IPO4: variants seen among roughly 807,000 people sequenced by gnomAD.
IPO4 encodes the protein importin-4.
Under a neutral mutation model 133.5 loss-of-function variants are expected in IPO4, and 91 were observed. The observed-to-expected ratio is 0.68, with a 90% CI of 0.58 to 0.81. IPO4 has a LOEUF of 0.81. Ranked by LOEUF, IPO4 falls within the 30% of genes least tolerant of loss-of-function variation. The pLI is 0.00. For synonymous variants in IPO4, 607 were observed against 581.6 expected (o/e 1.04, Z -0.63); for missense variants, 1,279 against 1,386.2 (o/e 0.92, Z 1.23).
chr14:24,185,308 T>C lies in IPO4; in HGVS notation c.1283A>G (p.His428Arg), dbSNP rs369189275. The C allele has an allele frequency of 6.1e-5, 98 of 1,613,878 alleles. No individual in the cohort carries two copies. Among genetic ancestry groups the C allele is most frequent in the Non-Finnish European group, 8.1e-5 (95 of 1,179,962 alleles). ...TACCTCCCTTGAATAGCTGCTGATA[T>C]GGGGCTGGGGGAGGGAGCAAGCAGG... Reference protein sequence around the residue: ...LGQFSENLQPHISSYSREVMP... With the variant: ...LGQFSENLQPRISSYSREVMP... The change falls in exon 14 of 30, where the codon CAT (histidine) becomes CGT (arginine). Residue 428 changes from histidine (H) to arginine (R), a missense_variant. Transcript: ENST00000354464.
In IPO4 at chr14:24,180,456, G is replaced by A. The variant is rs2039113304; in HGVS notation, c.3232C>T (p.Leu1078=). The part of the protein sequence containing the change: ...VDKAQELQAV[L]GLS ...CAGCCTGCAGTCTAGGAGAGGCCCAGTACAGCCTGGAGCTCCTGAGCCTTG... is the reference window on the plus strand; with the variant it reads ...CAGCCTGCAGTCTAGGAGAGGCCCAATACAGCCTGGAGCTCCTGAGCCTTG... The change falls in exon 30 of 30, where the codon CTG becomes TTG. Residue 1078 remains leucine, a synonymous_variant. Coordinates refer to ENST00000354464, the MANE Select transcript of IPO4 (RefSeq NM_024658.4). 1.2e-6 allele frequency: 2 copies of A among 1,611,926 alleles called. No individual in the cohort carries two copies. Among genetic ancestry groups the A allele is most frequent in the Non-Finnish European group, 1.7e-6 (2 of 1,178,724 alleles).
At position 24,188,271 on chromosome 14, in the gene IPO4, G is replaced by T. The variant is rs1211488537; in HGVS notation, c.237-14C>A. On this transcript the variant is annotated splice_polypyrimidine_tract_variant and intron_variant, in intron 3 of 29. Coordinates refer to ENST00000354464, the MANE Select transcript of IPO4 (RefSeq NM_024658.4). ...AGGGACTTGAGGCTGGAACACAGGT[G>T]GCAGGTGTTTGGTACCCAGCCTGCC... 3 of 1,613,246 alleles carry T rather than the reference G, an allele frequency of 1.9e-6. No individual in the cohort carries two copies. The highest frequency in any genetic ancestry group is 2.5e-6 in the Non-Finnish European group (3 of 1,179,692).
At chr14:24,186,830 G>A (rs1026329654) in intron 8 of IPO4, 39 bp from the exon 9 acceptor site, 1 of 1,612,608 alleles carries the variant, frequency 6.2e-7, no homozygotes, top group African/African-American at 1.3e-5. Flanking sequence ...CAGGGAAGGA[G>A]AGTCCCAGCA....
Position 24,186,379 on chromosome 14 carries a change from G to T in IPO4, c.913C>A (p.Pro305Thr). The T allele has an allele frequency of 6.2e-7, 1 of 1,613,054 alleles. No homozygotes were observed. The change falls in exon 10 of 30, where the codon CCA (proline) becomes ACA (threonine). Residue 305 changes from proline to threonine, a missense_variant. This residue lies in a region of IPO4 where 695 missense variants were observed against 704.1 expected (regional missense o/e 0.99). Coordinates refer to ENST00000354464, the MANE Select transcript of IPO4 (RefSeq NM_024658.4). ...LFPIVAAEPP[P>T]GQLDPEDQDS... ...TGGTCCTCGGGATCCAACTGGCCTG[G>T]TGGGGGCTCAGCAGCCACAATGGGG...
intron 6 of IPO4, 111 bp downstream of exon 6, chr14:24,187,289 A>C: frequency 6.8e-7 from 1 of 1,472,254 alleles, no homozygotes; most frequent in Non-Finnish European, 9.4e-7. Context: ...CTCAATTGTC[A>C]GGAAGGGCCA....
At position 24,183,117 on chromosome 14, in the gene IPO4, G is replaced by A; in HGVS notation, c.2280C>T (p.Asn760=). 6.2e-7 allele frequency: 1 copy of A among 1,613,880 alleles called. No homozygotes were observed. The highest frequency in any genetic ancestry group is 8.5e-7 in the Non-Finnish European group (1 of 1,180,008). The part of the protein sequence containing the change: ...RVVPSYMQAV[N]RERERQVVMA... ...TCACCACCTGGCGTTCCCGCTCCCT[G>A]TTCACTGCCTGCATGTAGGATGGCA... is the stretch of plus-strand genomic sequence containing the variant. The change falls in exon 23 of 30, where the codon AAC becomes AAT. Residue 760 remains asparagine (N), a synonymous_variant. Transcript: ENST00000354464.
In IPO4 at chr14:24,188,532, G is replaced by C; in HGVS notation, c.156+20C>G. 1 of 1,610,436 alleles carries C rather than the reference G, an allele frequency of 6.2e-7. No individual in the cohort carries two copies. On this transcript the variant is annotated intron_variant, in intron 2 of 29. Coordinates refer to ENST00000354464, the MANE Select transcript of IPO4 (RefSeq NM_024658.4). ...GTGGCGTACAGTGGGAAGCTCGGAG[G>C]GGAGAGTCAGGGGTCTCACCTGGGG... is the stretch of plus-strand genomic sequence containing the variant.
In IPO4 at chr14:24,183,679, A is replaced by T. The variant is rs78585135; in HGVS notation, c.1986-12T>A. 1.9e-3 allele frequency: 3,075 copies of T among 1,614,108 alleles called. 50 individuals carry two copies. The African/African-American group carries it at 0.036, about 19-fold the overall frequency. On this transcript the variant is annotated splice_polypyrimidine_tract_variant and intron_variant, in intron 19 of 29. Transcript: ENST00000354464. ...TCTCCACGCTGTACCTAGAGTAAGAAGGGGAGGCAGTGGTGATCAGGCACC... is the reference window on the plus strand; with the variant it reads ...TCTCCACGCTGTACCTAGAGTAAGATGGGGAGGCAGTGGTGATCAGGCACC...
At chr14:24,185,414 G>A (rs1170089074) in intron 13 of IPO4, 45 bp downstream of exon 13, 1 of 1,607,738 alleles carries the variant, frequency 6.2e-7, no homozygotes, top group Non-Finnish European at 8.5e-7. Context: ...AAGATGAGGG[G>A]AAGGGGACAT....
chr14:24,182,098 G>A lies in IPO4; in HGVS notation c.2664C>T (p.Gly888=), dbSNP rs1486405920. 6.2e-7 allele frequency: 1 copy of A among 1,614,014 alleles called. No homozygotes were observed. The highest frequency in any genetic ancestry group is 8.5e-7 in the Non-Finnish European group (1 of 1,180,014). ...AVGTLAETIQ[G]LGAASAQFVS... is the part of the protein sequence containing the mutation. ...CAAACTGGGCTGAGGCAGCACCCAGGCCCTGAATAGTCTCTGCCAAGGTCC... is the reference window on the plus strand; with the variant it reads ...CAAACTGGGCTGAGGCAGCACCCAGACCCTGAATAGTCTCTGCCAAGGTCC... The change falls in exon 26 of 30, where the codon GGC becomes GGT. Residue 888 remains glycine, a synonymous_variant. Coordinates refer to ENST00000354464, the MANE Select transcript of IPO4 (RefSeq NM_024658.4).
rs376781517 is a variant in IPO4 at position 24,181,799 on chromosome 14, C to T, written c.2852G>A (p.Arg951Gln). 61 of 1,598,546 alleles carry T rather than the reference C, an allele frequency of 3.8e-5. No individual in the cohort carries two copies. Among genetic ancestry groups the T allele is most frequent in the African/African-American group, 6.7e-5 (5 of 74,682 alleles). ...GTCACGGACACGATCATGTCGCTCC[C>T]GCGCCAGGAGGGGAAAAAGGAGCCC... ...LLGLLFPLLA[R>Q]ERHDRVRDNI... The change falls in exon 27 of 30, where the codon CGG (arginine) becomes CAG (glutamine). Residue 951 changes from arginine to glutamine, a missense_variant. This residue lies in a region of IPO4 where 575 missense variants were observed against 653.4 expected (regional missense o/e 0.88). Transcript: ENST00000354464.
Position 24,185,968 on chromosome 14 carries a change from C to T in IPO4, c.1062G>A (p.Met354Ile), listed in dbSNP as rs200060211. Residue 354 changes from methionine to isoleucine, a missense_variant and splice_region_variant, in exon 12 of 30, where the codon ATG becomes ATA. By Grantham distance (10) the Met-to-Ile change is conservative. Around this residue, in one of 3 missense-constraint regions of IPO4, gnomAD observed 695 missense variants for 704.1 expected, o/e 0.99. Transcript: ENST00000354464. ...LPPEKLCPQL[M>I]PMLEEALRSE... ...TCCGCAAAGCCTCTTCCAACATGGG[C>T]ATCTAGGGAAGCATGTGGCACGCTT... 80 of 1,613,810 alleles carry T rather than the reference C, an allele frequency of 5.0e-5. No individual in the cohort carries two copies. The East Asian group carries it at 6.0e-4, about 12-fold the overall frequency.
chr14:24,183,681 G>A lies in IPO4; in HGVS notation c.1986-14C>T. ...TCCACGCTGTACCTAGAGTAAGAAG[G>A]GGAGGCAGTGGTGATCAGGCACCAA... On this transcript the variant is annotated splice_polypyrimidine_tract_variant and intron_variant, in intron 19 of 29. Transcript: ENST00000354464. 2 of 1,614,138 alleles carry A rather than the reference G, an allele frequency of 1.2e-6. No individual in the cohort carries two copies. The highest frequency in any genetic ancestry group is 1.7e-6 in the Non-Finnish European group (2 of 1,180,022).
Position 24,187,706 on chromosome 14 carries a change from A to G in IPO4, c.369T>C (p.Leu123=), listed in dbSNP as rs1450386261. Residue 123 remains leucine, a synonymous_variant, in exon 5 of 30, where the codon CTT becomes CTC. Coordinates refer to ENST00000354464, the MANE Select transcript of IPO4 (RefSeq NM_024658.4). Reference sequence around the variant, plus strand: ...TGTGGGGGCTGTGGGTACTGTGCTGAAGCAGCTGCAAAAGCTGTGGCCAGG... The same window carrying G: ...TGTGGGGGCTGTGGGTACTGTGCTGGAGCAGCTGCAAAAGCTGTGGCCAGG... The part of the protein sequence containing the change: ...LEAWPQLLQL[L]QHSTHSPHSP... 1 of 1,614,230 alleles carries G rather than the reference A, an allele frequency of 6.2e-7. No homozygotes were observed. The highest frequency in any genetic ancestry group is 8.5e-7 in the Non-Finnish European group (1 of 1,180,042).
rs761195588 is a variant in IPO4 at position 24,183,829 on chromosome 14, GCTC to G, written c.1936_1938del (p.Glu646del). On this transcript the variant is annotated inframe_deletion, in exon 19 of 30. Coordinates refer to ENST00000354464, the MANE Select transcript of IPO4 (RefSeq NM_024658.4). The stretch of plus-strand genomic sequence containing the variant: ...TCTTCTTCCACATCCTCATCCATGA[GCTC>G]CTCCTCTTCTTCCCCATCACTCTCA... The G allele has an allele frequency of 4.3e-6, 7 of 1,613,882 alleles. No individual in the cohort carries two copies. The highest frequency in any genetic ancestry group is 2.7e-5 in the African/African-American group (2 of 74,898).
At position 24,182,801 on chromosome 14, in the gene IPO4, A is replaced by ATCTTCC. The variant is rs773495596; in HGVS notation, c.2457_2462dup (p.Glu819_Glu820dup). 5.3e-5 allele frequency: 86 copies of ATCTTCC among 1,613,880 alleles called. No homozygotes were observed. The highest frequency in any genetic ancestry group is 7.2e-5 in the Non-Finnish European group (85 of 1,179,994). ...TATCCCTGGCTCTCACCTGATCATC[A>ATCTTCC]TCTTCCTCTTCCTCCTCCTCGTCAG... On this transcript the variant is annotated inframe_insertion, in exon 24 of 30. Transcript: ENST00000354464.
At chr14:24,185,078 C>G in intron 14 of IPO4, 98 bp from the exon 15 acceptor site, 1 of 1,590,656 alleles carries the variant, frequency 6.3e-7, no homozygotes. Flanking sequence ...CCATCACACC[C>G]TTTCCCCTAC....
chr14:24,186,700 TCA>T lies in IPO4; in HGVS notation c.840+6_840+7del, dbSNP rs1299308539. On this transcript the variant is annotated splice_donor_region_variant and intron_variant, in intron 9 of 29. Transcript: ENST00000354464. ...TGGGGTGATGTGTGTCAATGGGCAC[TCA>T]CTTACCTTGCTCTTGACTTTGACCA... 6.2e-7 allele frequency: 1 copy of T among 1,611,812 alleles called. No homozygotes were observed. The highest frequency in any genetic ancestry group is 2.2e-5 in the East Asian group (1 of 44,882).
intron 16 of IPO4, 29 bp downstream of exon 16, chr14:24,184,621 G>A (rs2039191758): frequency 6.5e-7 from 1 of 1,528,514 alleles, no homozygotes; most frequent in East Asian, 2.3e-5. Flanking sequence ...GCTGGCACTG[G>A]GAGCCCCACC....
Sources: allele counts gnomAD v4.1 joint callset, GRCh38; gene constraint gnomAD v4.1.1; regional missense constraint gnomAD v4.1.1; transcripts MANE v1.5; gene names NCBI Gene and HGNC (gene_info 2026-07-23, HGNC 2026-07-21).